Variants in C5orf63 observed in about 807,000 individuals in gnomAD.
C5orf63 encodes chromosome 5 open reading frame 63, also known as glutaredoxin-like protein C5orf63.
In C5orf63, 18 loss-of-function variants were observed where a neutral mutation model predicts 13.3. The observed-to-expected ratio is 1.36, with a 90% CI of 0.94 to 2.01. The LOEUF is 2.01. Ranked by LOEUF, C5orf63 falls within the 30% of genes most tolerant of loss-of-function variation. The pLI is 0.00. For synonymous variants in C5orf63, 38 were observed against 44.7 expected, an observed-to-expected ratio of 0.85 and a Z score of 0.60; for missense variants, 118 against 127.7, an observed-to-expected ratio of 0.92 and a Z score of 0.36.
intron 2 of C5orf63, among the ~76,000 whole-genome samples, chr5:127,059,591 G>A (rs1312703886): frequency 6.6e-6 from 1 of 151,876 alleles, no homozygotes; most frequent in East Asian, 1.9e-4. Flanking sequence ...AGCTGGGTGT[G>A]GTGGTGTACA....
At chr5:127,058,273 T>C (rs1753965421) in intron 3 of C5orf63, among the ~76,000 whole-genome samples, 2 of 152,186 alleles carry the variant, frequency 1.3e-5, no homozygotes, top group Admixed American at 6.6e-5. Flanking sequence ...CTCCCACTTA[T>C]AAGTGAGAAC....
intron 1 of C5orf63, among the ~76,000 whole-genome samples, chr5:127,072,563 T>C (rs898301313): frequency 2.6e-5 from 4 of 152,148 alleles, no homozygotes; most frequent in Non-Finnish European, 5.9e-5. Context: ...AGTATTGGGA[T>C]ATAACAGATC....
At position 127,051,548 on chromosome 5, in the gene C5orf63, C is replaced by T. The variant is rs1753675265; in HGVS notation, c.*223G>A. ...CTCCCTCCCTCCATCATCTCCCTCC[C>T]TGCTAATATGCTCTTCTTATTTTAT... is the stretch of plus-strand genomic sequence containing the variant. On this transcript the variant is annotated 3_prime_UTR_variant, in exon 5 of 5. Coordinates refer to ENST00000296662, the MANE Select transcript of C5orf63 (RefSeq NM_001164478.2). 1 of 1,241,598 alleles carries T rather than the reference C, an allele frequency of 8.1e-7. No homozygotes were observed. The highest frequency in any genetic ancestry group is 1.0e-6 in the Non-Finnish European group (1 of 993,532). 76.9% of individuals were successfully genotyped at this position (1,241,598 alleles called of 1,614,324 possible). A position where few individuals can be genotyped will look rare whatever the true frequency, so the allele number is the denominator to read the frequency against.
chr5:127,068,456 G>A (rs1427806398), intron 2 of C5orf63, among the ~76,000 whole-genome samples: 1 of 152,096 alleles, frequency 6.6e-6, no homozygotes, highest in Admixed American at 6.6e-5. Context: ...TGGGGAAGGT[G>A]ACACTAAGGC....
chr5:127,064,391 G>A (rs1455763275), intron 2 of C5orf63, among the ~76,000 whole-genome samples: 5 of 152,148 alleles, frequency 3.3e-5, no homozygotes, highest in African/African-American at 1.2e-4. Flanking sequence ...CCAGGTGGAA[G>A]TGTTAAGGAG....
intron 2 of C5orf63, among the ~76,000 whole-genome samples, 181 bp from the exon 3 acceptor site, chr5:127,059,183 T>C (rs555669082): frequency 4.3e-4 from 66 of 152,338 alleles, no homozygotes; most frequent in African/African-American, 1.6e-3. Flanking sequence ...ACATTCATTG[T>C]ATTCCGAACG....
rs988401141 is a variant in C5orf63 at position 127,071,679 on chromosome 5, T to A, written c.-103A>T. On this transcript the variant is annotated 5_prime_UTR_variant, in exon 2 of 5. Transcript: ENST00000296662. Reference sequence around the variant, plus strand: ...AGCTGGCTTTTGGCTTCCTCTGATGTACAGTCCTTGAATAAAGCAGTAGCA... The same window carrying A: ...AGCTGGCTTTTGGCTTCCTCTGATGAACAGTCCTTGAATAAAGCAGTAGCA... 2 of 152,200 alleles carry A rather than the reference T, an allele frequency of 1.3e-5. No individual in the cohort carries two copies. Among genetic ancestry groups the A allele is most frequent in the Admixed American group, 6.5e-5 (1 of 15,284 alleles). 9.4% of individuals were successfully genotyped at this position (152,200 alleles called of 1,614,324 possible).
intron 2 of C5orf63, among the ~76,000 whole-genome samples, chr5:127,070,750 T>C (rs1580537024): frequency 6.6e-6 from 1 of 152,110 alleles, no homozygotes; most frequent in East Asian, 1.9e-4. Context: ...TAAACAGGTG[T>C]TTGGGTGAGG....
At chr5:127,067,644 C>T (rs1754379653) in intron 2 of C5orf63, among the ~76,000 whole-genome samples, 1 of 152,050 alleles carries the variant, frequency 6.6e-6, no homozygotes, top group East Asian at 1.9e-4. Flanking sequence ...CAAGGTTTCC[C>T]CTTGATGGGT....
chr5:127,053,515 T>G (rs1409307430), intron 3 of C5orf63, among the ~76,000 whole-genome samples: 2 of 152,150 alleles, frequency 1.3e-5, no homozygotes, highest in Non-Finnish European at 2.9e-5. Flanking sequence ...ACATGTGCCA[T>G]GTTGGTTTGC....
chr5:127,062,642 C>T (rs1477968983), intron 2 of C5orf63, among the ~76,000 whole-genome samples: 1 of 152,152 alleles, frequency 6.6e-6, no homozygotes, highest in African/African-American at 2.4e-5. Context: ...ATTTTACTAA[C>T]TCTGTAAACC....
chr5:127,058,946 C>A lies in C5orf63; in HGVS notation c.50G>T (p.Gly17Val), dbSNP rs957754505. 1 of 1,537,230 alleles carries A rather than the reference C, an allele frequency of 6.5e-7. No individual in the cohort carries two copies. Among genetic ancestry groups the A allele is most frequent in the East Asian group, 2.4e-5 (1 of 40,902 alleles). The part of the protein sequence containing the change: ...NSMQLARSSF[G>V]LFLRNCSASK... ...GGCAGAGCAATTTCTCAAGAAGAGT[C>A]CAAAGGAGGATCTGGCAAGTTGCAT... Residue 17 changes from glycine to valine, a missense_variant, in exon 3 of 5, where the codon GGA (glycine) becomes GTA (valine). Transcript: ENST00000296662.
chr5:127,073,320 T>G (rs919902778), intron 1 of C5orf63, 131 bp downstream of exon 1: 1 of 152,244 alleles, frequency 6.6e-6, no homozygotes, highest in African/African-American at 2.4e-5. Context: ...GCTCCCGGTT[T>G]AATTAAATTC....
At chr5:127,071,862 A>G (rs886423275) in intron 1 of C5orf63, 177 bp from the exon 2 acceptor site, 1 of 152,256 alleles carries the variant, frequency 6.6e-6, no homozygotes, top group Non-Finnish European at 1.5e-5. Context: ...AAAAACTTTA[A>G]TAATAAAAAA....
chr5:127,053,624 C>T (rs1222584973), intron 3 of C5orf63, among the ~76,000 whole-genome samples: 1 of 152,178 alleles, frequency 6.6e-6, no homozygotes, highest in Non-Finnish European at 1.5e-5. Flanking sequence ...TGATGTTCCA[C>T]ACCCTGTGTC....
In C5orf63 at chr5:127,071,703, C is replaced by A. The variant is rs1364730335; in HGVS notation, c.-109-18G>T. On this transcript the variant is annotated intron_variant, in intron 1 of 4. Coordinates refer to ENST00000296662, the MANE Select transcript of C5orf63 (RefSeq NM_001164478.2). ...GTACAGTCCTTGAATAAAGCAGTAG[C>A]AAAAATTAGATTTAAATAAGGAACA... The A allele has an allele frequency of 1.3e-5, 2 of 152,074 alleles. No homozygotes were observed. The highest frequency in any genetic ancestry group is 4.8e-5 in the African/African-American group (2 of 41,412). 9.4% of individuals were successfully genotyped at this position (152,074 alleles called of 1,614,324 possible). A position where few individuals can be genotyped will look rare whatever the true frequency, so the allele number is the denominator to read the frequency against.
In C5orf63 at chr5:127,066,837, A is replaced by G. The variant is rs561708025; in HGVS notation, c.-8+4747T>C. 4.6e-5 allele frequency among the ~76,000 whole-genome samples: 7 copies of G among 152,292 alleles called. No homozygotes were observed. In the East Asian group the frequency reaches 1.4e-3, roughly 29 times the overall value. ...CAATCCAACATTTAGAGGTTGGATC[A>G]AGAGGAACCAGCAAATGAGGCAGAC... On this transcript the variant is annotated intron_variant, in intron 2 of 4. Transcript: ENST00000296662.
At chr5:127,055,012 G>C (rs1753823658) in intron 3 of C5orf63, among the ~76,000 whole-genome samples, 1 of 152,128 alleles carries the variant, frequency 6.6e-6, no homozygotes, top group Admixed American at 6.5e-5. Flanking sequence ...CCCATTGCTT[G>C]TTTTTGTCAG....
At chr5:127,065,552 C>A (rs781676408) in intron 2 of C5orf63, among the ~76,000 whole-genome samples, 1 of 152,032 alleles carries the variant, frequency 6.6e-6, no homozygotes, top group South Asian at 2.1e-4. Context: ...AAACCTTGAA[C>A]GGGGTAAAGA....
Sources: gnomAD v4.1 joint callset for allele counts (sites outside exome capture counted in the v4.1 genomes callset) on GRCh38, gnomAD v4.1.1 for gene constraint, MANE v1.5 for transcripts, NCBI Gene and HGNC (gene_info 2026-07-23, HGNC 2026-07-21) for gene names.